Variants in CACNA2D3 observed in about 807,000 individuals in gnomAD.
CACNA2D3 encodes the protein calcium voltage-gated channel auxiliary subunit alpha2delta 3, also known as voltage-dependent calcium channel subunit alpha-2/delta-3.
Under a neutral mutation model 160.6 loss-of-function variants are expected in CACNA2D3, and 60 were observed. That is an observed-to-expected ratio of 0.37 (90% CI 0.30 to 0.46). The LOEUF is 0.46. CACNA2D3 is among the 20% of genes least tolerant of loss of function. The pLI, the probability that CACNA2D3 is intolerant of heterozygous loss-of-function variation, is 1.00. For synonymous variants in CACNA2D3, 558 were observed against 492.9 expected, an observed-to-expected ratio of 1.13 and a Z score of -1.75; for missense variants, 1,205 against 1,365.0, an observed-to-expected ratio of 0.88 and a Z score of 1.85.
intron 31 of CACNA2D3, among the ~76,000 whole-genome samples, chr3:55,004,244 A>G (rs936702112): frequency 6.6e-6 from 1 of 152,182 alleles, no homozygotes; most frequent in African/African-American, 2.4e-5. Context: ...AGGGATTACA[A>G]TTAGTAAGCC....
At chr3:55,062,989 A>G (rs1210162672) in intron 35 of CACNA2D3, among the ~76,000 whole-genome samples, 1 of 152,226 alleles carries the variant, frequency 6.6e-6, no homozygotes, top group Non-Finnish European at 1.5e-5. Flanking sequence ...TTAATTCCAC[A>G]CACAAATAGA....
At chr3:54,936,326 ACAG>A in intron 27 of CACNA2D3, among the ~76,000 whole-genome samples, 1 of 152,148 alleles carries the variant, frequency 6.6e-6, no homozygotes, top group East Asian at 1.9e-4. Flanking sequence ...CTGCCCGTGG[ACAG>A]AGCTCCCCAT....
intron 35 of CACNA2D3, among the ~76,000 whole-genome samples, chr3:55,050,322 T>C (rs570836310): frequency 1.3e-5 from 2 of 152,200 alleles, no homozygotes; most frequent in Admixed American, 1.3e-4. Flanking sequence ...CTCTCAGCAT[T>C]TGCTTGTCTG....
intron 27 of CACNA2D3, among the ~76,000 whole-genome samples, chr3:54,958,333 C>T (rs1199912952): frequency 1.3e-5 from 2 of 152,188 alleles, no homozygotes; most frequent in Non-Finnish European, 2.9e-5. Context: ...TTGGAGGCTG[C>T]AGTGAGCTAT....
At chr3:54,485,790 C>T (rs961155027) in intron 4 of CACNA2D3, among the ~76,000 whole-genome samples, 1 of 152,126 alleles carries the variant, frequency 6.6e-6, no homozygotes, top group Non-Finnish European at 1.5e-5. Flanking sequence ...TCTTGAACTC[C>T]TGACCTCAAT....
At position 54,569,882 on chromosome 3, in the gene CACNA2D3, A is replaced by C. The variant is rs78831319; in HGVS notation, c.737+27A>C. On this transcript the variant is annotated intron_variant, in intron 7 of 37. Coordinates refer to ENST00000474759, the MANE Select transcript of CACNA2D3 (RefSeq NM_018398.3). ...TAGGCAGTGGTCAGACCTCTTTGTT[A>C]TTTCTCAAAGAGATATCTTGAAGAG... 6,768 of 1,611,866 alleles carry C rather than the reference A, an allele frequency of 4.2e-3. 248 individuals are homozygous for C. In the African/African-American group the frequency reaches 0.079, roughly 19 times the overall value.
At chr3:54,805,475 A>G (rs1428655498) in intron 13 of CACNA2D3, among the ~76,000 whole-genome samples, 1 of 152,208 alleles carries the variant, frequency 6.6e-6, no homozygotes, top group Non-Finnish European at 1.5e-5. Context: ...ATTCCTCAAC[A>G]CATACACCCT....
chr3:54,508,027 G>A (rs549620366), intron 5 of CACNA2D3, among the ~76,000 whole-genome samples: 4 of 152,330 alleles, frequency 2.6e-5, no homozygotes, highest in Admixed American at 6.5e-5. Context: ...GCATTAAAAG[G>A]GGAGCCTTTA....
At chr3:54,683,991 A>G (rs188592293) in intron 11 of CACNA2D3, among the ~76,000 whole-genome samples, 1,856 of 92,928 alleles carry the variant, frequency 0.02, 49 homozygotes, top group African/African-American at 0.079. Flanking sequence ...TTTTTTTGAG[A>G]CGGAGTTTCA....
At chr3:54,657,084 T>TG (rs564086140) in intron 11 of CACNA2D3, among the ~76,000 whole-genome samples, 108 of 72,968 alleles carry the variant, frequency 1.5e-3, no homozygotes, top group South Asian at 7.4e-3. Flanking sequence ...CGGGCAGGAG[T>TG]GGGGGGTCAC....
intron 11 of CACNA2D3, among the ~76,000 whole-genome samples, chr3:54,651,391 T>C (rs2106864354): frequency 6.7e-6 from 1 of 150,244 alleles, no homozygotes; most frequent in East Asian, 2.0e-4. Flanking sequence ...ATTTCCGTGC[T>C]GTGTACTGTG....
intron 11 of CACNA2D3, among the ~76,000 whole-genome samples, chr3:54,693,638 G>A (rs1037772535): frequency 2.6e-5 from 4 of 152,174 alleles, no homozygotes; most frequent in Non-Finnish European, 5.9e-5. Context: ...TATCATAGGA[G>A]ATGACAGCTC....
chr3:54,364,343 A>G (rs1210381290), intron 3 of CACNA2D3, among the ~76,000 whole-genome samples: 1 of 152,226 alleles, frequency 6.6e-6, no homozygotes, highest in Admixed American at 6.5e-5. Context: ...CTCCCTTCGG[A>G]ATAGAAAGAC....
At chr3:54,157,635 T>C (rs925677775) in intron 2 of CACNA2D3, among the ~76,000 whole-genome samples, 11 of 151,796 alleles carry the variant, frequency 7.2e-5, no homozygotes, top group African/African-American at 2.7e-4. Flanking sequence ...ACTAAAAAAA[T>C]ACAAAATTAG....
intron 27 of CACNA2D3, among the ~76,000 whole-genome samples, chr3:54,905,165 G>C (rs142523851): frequency 3.3e-5 from 5 of 152,122 alleles, no homozygotes; most frequent in Admixed American, 3.3e-4. Context: ...GTAAGTTTGG[G>C]AGTTGATTTG....
intron 10 of CACNA2D3, among the ~76,000 whole-genome samples, chr3:54,633,249 G>T (rs1351549945): frequency 6.6e-6 from 1 of 152,270 alleles, no homozygotes; most frequent in East Asian, 1.9e-4. Flanking sequence ...GCCATATTGT[G>T]TGCTCAATTG....
intron 27 of CACNA2D3, among the ~76,000 whole-genome samples, chr3:54,952,558 T>C (rs899059654): frequency 2.0e-5 from 3 of 152,248 alleles, no homozygotes; most frequent in Admixed American, 6.5e-5. Flanking sequence ...ATCTTTTCTA[T>C]AGGGACAGGG....
At chr3:55,064,177 G>A (rs1704580273) in intron 35 of CACNA2D3, among the ~76,000 whole-genome samples, 1 of 152,228 alleles carries the variant, frequency 6.6e-6, no homozygotes, top group South Asian at 2.1e-4. Flanking sequence ...GGCTGGAGGA[G>A]GGGACTGAAT....
At chr3:54,459,471 G>A (rs1254856242) in intron 4 of CACNA2D3, among the ~76,000 whole-genome samples, 3 of 151,164 alleles carry the variant, frequency 2.0e-5, no homozygotes, top group Non-Finnish European at 4.4e-5. Flanking sequence ...ATTCTAACTG[G>A]TGTGAGATGG....
Sources: gnomAD v4.1 joint callset for allele counts (sites outside exome capture counted in the v4.1 genomes callset) on GRCh38, gnomAD v4.1.1 for gene constraint, MANE v1.5 for transcripts, NCBI Gene and HGNC (gene_info 2026-07-23, HGNC 2026-07-21) for gene names.